Variants in PACRG observed in about 807,000 individuals in gnomAD.
PACRG encodes parkin coregulated.
A neutral mutation model predicts 29.7 loss-of-function variants in PACRG; 29 were observed. That is an observed-to-expected ratio of 0.98 (90% confidence interval 0.73 to 1.33). PACRG has a LOEUF of 1.33. PACRG is among the 40% of genes most tolerant of loss of function. The pLI, the probability that PACRG is intolerant of heterozygous loss-of-function variation, is 0.00. For missense variants in PACRG, 279 were observed against 316.2 expected (o/e 0.88, Z 0.89); for synonymous variants, 116 against 118.7 (o/e 0.98, Z 0.15).
chr6:163,121,738 T>C (rs1263430155), intron 4 of PACRG, among the ~76,000 whole-genome samples: 1 of 148,180 alleles, frequency 6.7e-6, no homozygotes, highest in Non-Finnish European at 1.5e-5. Context: ...CGATCTCAGC[T>C]CACTGCAAGC....
chr6:162,745,146 T>G (rs1283877240), intron 1 of PACRG, among the ~76,000 whole-genome samples: 1 of 152,214 alleles, frequency 6.6e-6, no homozygotes, highest in Non-Finnish European at 1.5e-5. Context: ...TTGCTTCTGC[T>G]TCCTTAGTAA....
chr6:162,806,119 T>G (rs1024949394), intron 1 of PACRG, among the ~76,000 whole-genome samples: 2 of 152,084 alleles, frequency 1.3e-5, no homozygotes. Flanking sequence ...TTTCCTTTTT[T>G]TTTTTTTAGA....
rs192617165 is a variant in PACRG at position 163,037,008 on chromosome 6, C to T, written c.292-25142C>T. 3.4e-4 allele frequency among the ~76,000 whole-genome samples: 52 copies of T among 152,212 alleles called. No homozygotes were observed. In the South Asian group the frequency reaches 3.7e-3, roughly 11 times the overall value. On this transcript the variant is annotated intron_variant, in intron 2 of 4. Coordinates refer to ENST00000366888, the MANE Select transcript of PACRG (RefSeq NM_001080379.2). ...AGAAAGATAGACCTAACGAGAGAGGCGAATTGTAAACAAGTGTGTGTGTGC... is the reference window on the plus strand; with the variant it reads ...AGAAAGATAGACCTAACGAGAGAGGTGAATTGTAAACAAGTGTGTGTGTGC...
chr6:162,745,769 A>C (rs1423081433), intron 1 of PACRG, among the ~76,000 whole-genome samples: 2 of 152,142 alleles, frequency 1.3e-5, no homozygotes, highest in Non-Finnish European at 2.9e-5. Context: ...GTAATTAGTT[A>C]GTCTGTGGTA....
At chr6:163,253,153 A>G (rs1380604444) in intron 4 of PACRG, among the ~76,000 whole-genome samples, 1 of 151,318 alleles carries the variant, frequency 6.6e-6, no homozygotes, top group African/African-American at 2.4e-5. Context: ...TACAAAAATT[A>G]GCCAGGCATG....
chr6:163,251,740 A>G (rs1782912834), intron 4 of PACRG, among the ~76,000 whole-genome samples: 1 of 152,178 alleles, frequency 6.6e-6, no homozygotes, highest in South Asian at 2.1e-4. Context: ...TAAAATACAA[A>G]TTCCAGGATG....
chr6:163,031,316 A>C (rs1807641124), intron 2 of PACRG, among the ~76,000 whole-genome samples: 1 of 152,210 alleles, frequency 6.6e-6, no homozygotes, highest in Admixed American at 6.5e-5. Flanking sequence ...CCAAGCTGGT[A>C]GGGGGTTGCT....
chr6:162,999,099 A>G (rs1804348845), intron 2 of PACRG, among the ~76,000 whole-genome samples: 1 of 152,194 alleles, frequency 6.6e-6, no homozygotes, highest in South Asian at 2.1e-4. Flanking sequence ...AAGAATATGA[A>G]AAAAAAGTGA....
chr6:162,998,763 T>C (rs550785336), intron 2 of PACRG, among the ~76,000 whole-genome samples: 15 of 152,250 alleles, frequency 9.9e-5, no homozygotes, highest in Non-Finnish European at 2.1e-4. Context: ...AAAATGTTTT[T>C]ATTATTTGTA....
intron 3 of PACRG, among the ~76,000 whole-genome samples, chr6:163,071,559 G>C (rs988057189): frequency 1.3e-5 from 2 of 151,904 alleles, no homozygotes; most frequent in African/African-American, 4.8e-5. Context: ...AGAGGGAAAT[G>C]TATAGCTGTA....
intron 2 of PACRG, among the ~76,000 whole-genome samples, chr6:162,825,590 A>G (rs1584468408): frequency 6.6e-6 from 1 of 152,002 alleles, no homozygotes; most frequent in Non-Finnish European, 1.5e-5. Context: ...CTACTCTTAT[A>G]TTTTTCTCAC....
At chr6:162,787,455 ACT>A (rs1284060814) in intron 1 of PACRG, among the ~76,000 whole-genome samples, 4 of 147,920 alleles carry the variant, frequency 2.7e-5, no homozygotes, top group African/African-American at 7.5e-5. Flanking sequence ...ACACATGATA[ACT>A]CTATTATGTA....
At chr6:162,731,929 T>A (rs1227980050) in intron 1 of PACRG, among the ~76,000 whole-genome samples, 3 of 152,142 alleles carry the variant, frequency 2.0e-5, no homozygotes, top group African/African-American at 7.2e-5. Context: ...GCATTCCCCA[T>A]GAGGCAGGTG....
At chr6:163,285,741 C>T (rs1268259440) in intron 4 of PACRG, among the ~76,000 whole-genome samples, 1 of 152,224 alleles carries the variant, frequency 6.6e-6, no homozygotes, top group African/African-American at 2.4e-5. Flanking sequence ...TCATAAGGAG[C>T]AGAGCTGTCA....
At chr6:162,890,920 C>A in intron 2 of PACRG, among the ~76,000 whole-genome samples, 1 of 152,150 alleles carries the variant, frequency 6.6e-6, no homozygotes, top group East Asian at 1.9e-4. Flanking sequence ...CAGCTTCCAC[C>A]CAGCTGCACC....
chr6:163,203,796 A>G (rs1780799996), intron 4 of PACRG, among the ~76,000 whole-genome samples: 1 of 152,228 alleles, frequency 6.6e-6, no homozygotes, highest in Non-Finnish European at 1.5e-5. Flanking sequence ...AATAAAGAGA[A>G]CTTACCTGTC....
chr6:163,109,744 A>C (rs930076925), intron 4 of PACRG, among the ~76,000 whole-genome samples: 3 of 152,230 alleles, frequency 2.0e-5, no homozygotes, highest in Non-Finnish European at 4.4e-5. Flanking sequence ...GAATATTGGG[A>C]ATAAACAAGC....
chr6:162,742,013 C>A (rs1164927200), intron 1 of PACRG, among the ~76,000 whole-genome samples: 2 of 152,218 alleles, frequency 1.3e-5, no homozygotes, highest in African/African-American at 4.8e-5. Flanking sequence ...TCTATTTCTC[C>A]TATTTAACTA....
intron 2 of PACRG, among the ~76,000 whole-genome samples, chr6:162,935,917 T>A (rs1319280466): frequency 6.6e-6 from 1 of 152,204 alleles, no homozygotes; most frequent in African/African-American, 2.4e-5. Context: ...TCAACATTAC[T>A]GTTCTTCAAA....
Sources: gnomAD v4.1 joint callset for allele counts (sites outside exome capture counted in the v4.1 genomes callset) on GRCh38, gnomAD v4.1.1 for gene constraint, MANE v1.5 for transcripts, NCBI Gene and HGNC (gene_info 2026-07-23, HGNC 2026-07-21) for gene names.